The following HNRNPF variants were observed in gnomAD, a reference collection of about 807,000 sequenced individuals.
HNRNPF encodes HnRNP F protein.
In HNRNPF, 2 loss-of-function variants were observed where a neutral mutation model predicts 26.0. The observed-to-expected ratio is 0.08, with a 90% CI of 0.03 to 0.24. The LOEUF is 0.24. HNRNPF is among the 10% of genes least tolerant of loss of function. HNRNPF has a pLI of 1.00. For synonymous variants in HNRNPF, 234 were observed against 211.5 expected (o/e 1.11, Z -0.92); for missense variants, 299 against 539.2 (o/e 0.55, Z 4.41).
At position 43,387,056 on chromosome 10, in the gene HNRNPF, C is replaced by T. The variant is rs533557195; in HGVS notation, c.829G>A (p.Gly277Ser). The change falls in exon 4 of 4, where the codon GGC (glycine) becomes AGC (serine). Residue 277 changes from glycine to serine, a missense_variant. By Grantham distance (56) the Gly-to-Ser change is moderately conservative (BLOSUM62 0). Around this residue, in one of 6 missense-constraint regions of HNRNPF, gnomAD observed 74 missense variants for 77.7 expected, o/e 0.95. Transcript: ENST00000682386. This position sits in a 1 kb window ranked among gnomAD's most constrained non-coding sequence, Gnocchi z 6.0. ...CLSGMYDHRY[G>S]DSEFTVQSTT... ...CTCTGCACTGTGAACTCACTGTCGC[C>T]GTATCTGTGGTCATACATTCCGGAG... 3.5e-5 allele frequency: 56 copies of T among 1,612,802 alleles called. No individual in the cohort carries two copies. The highest frequency in any genetic ancestry group is 2.0e-4 in the East Asian group (9 of 44,862).
rs1242046401 is a variant in HNRNPF at position 43,387,292 on chromosome 10, G to A, written c.593C>T (p.Pro198Leu). 1.2e-6 allele frequency: 2 copies of A among 1,614,116 alleles called. No homozygotes were observed. The highest frequency in any genetic ancestry group is 1.1e-5 in the South Asian group (1 of 91,090). ...CCGCTGCACGGACATGAACTTCAGA[G>A]GGGGATCTGAGTATGACCTAACTTC... Reference protein sequence around the residue: ...QEEVRSYSDPPLKFMSVQRPG... With the variant: ...QEEVRSYSDPLLKFMSVQRPG... The change falls in exon 4 of 4, where the codon CCT becomes CTT. Residue 198 changes from proline to leucine, a missense_variant. Transcript: ENST00000682386. The surrounding 1 kb of genome is among the most constrained non-coding windows in gnomAD (Gnocchi z 6.0).
intron 1 of HNRNPF, chr10:43,396,844 TG>T (rs1183457645): frequency 1.4e-5 from 1 of 71,228 alleles, no homozygotes. Context: ...GCGGGGAGAG[TG>T]GGGGCAGGGA....
intron 1 of HNRNPF, among the ~76,000 whole-genome samples, chr10:43,404,885 A>AT (rs1322312423): frequency 6.6e-6 from 1 of 152,330 alleles, no homozygotes; most frequent in Non-Finnish European, 1.5e-5. Context: ...TTTACAGGAA[A>AT]TATAAAGAAC....
chr10:43,394,320 G>A lies in HNRNPF; in HGVS notation c.-53+310C>T, dbSNP rs559964629. ...TACATGTCATAAGTGTTTTGCATCA[G>A]GAAATGTTTCAGAAGCAAAATTACT... is the stretch of plus-strand genomic sequence containing the variant. On this transcript the variant is annotated intron_variant, in intron 3 of 3. Coordinates refer to ENST00000682386, the MANE Select transcript of HNRNPF (RefSeq NM_001098204.2). Among the ~76,000 whole-genome samples, 12 of 152,326 alleles carry A rather than the reference G, an allele frequency of 7.9e-5. No homozygotes were observed. In the East Asian group the frequency reaches 2.3e-3, roughly 29 times the overall value.
At position 43,387,506 on chromosome 10, in the gene HNRNPF, T is replaced by C; in HGVS notation, c.379A>G (p.Ile127Val). 6.2e-7 allele frequency: 1 copy of C among 1,614,190 alleles called. No individual in the cohort carries two copies. Among genetic ancestry groups the C allele is most frequent in the Non-Finnish European group, 8.5e-7 (1 of 1,180,032 alleles). ...GLPFGCTKEEIVQFFSGLEIV... is the reference protein window; with the variant it reads ...GLPFGCTKEEVVQFFSGLEIV... ...TCCAACCCTGAGAAGAACTGAACAA[T>C]TTCTTCCTTTGTGCATCCAAATGGG... Residue 127 changes from isoleucine to valine, a missense_variant, in exon 4 of 4, where the codon ATT (isoleucine) becomes GTT (valine). Around this residue, in one of 6 missense-constraint regions of HNRNPF, gnomAD observed 104 missense variants for 239.0 expected, o/e 0.44. Transcript: ENST00000682386. This position sits in a 1 kb window ranked among gnomAD's most constrained non-coding sequence, Gnocchi z 6.0.
chr10:43,393,536 C>A (rs906685058), intron 3 of HNRNPF, among the ~76,000 whole-genome samples: 9 of 151,618 alleles, frequency 5.9e-5, no homozygotes, highest in Non-Finnish European at 1.0e-4. Context: ...GCAGAGGTTG[C>A]GGTGAGCCAA....
chr10:43,386,494 T>G lies in HNRNPF; in HGVS notation c.*143A>C, dbSNP rs1433135732. 6.6e-6 allele frequency: 5 copies of G among 760,888 alleles called. No homozygotes were observed. In the East Asian group the frequency reaches 7.9e-5, roughly 12 times the overall value. The allele number at this position is 760,888 out of a possible 1,614,324, so 47.1% of individuals were successfully genotyped here. On this transcript the variant is annotated 3_prime_UTR_variant, in exon 4 of 4. Transcript: ENST00000682386. Reference sequence around the variant, plus strand: ...AAGAAAATTTTGCATGAGAAAACACTGAAGAGGTAATTTTTTAATCCAGAT... The same window carrying G: ...AAGAAAATTTTGCATGAGAAAACACGGAAGAGGTAATTTTTTAATCCAGAT...
Position 43,387,774 on chromosome 10 carries a change from A to G in HNRNPF, c.111T>C (p.His37=), listed in dbSNP as rs141967420. ...VQNFLSDCTI[H]DGAAGVHFIY... The stretch of plus-strand genomic sequence containing the variant: ...TGAAATGGACACCTGCGGCCCCATC[A>G]TGAATCGTGCAGTCAGAGAGGAAGT... Residue 37 remains histidine, a synonymous_variant, in exon 4 of 4, where the codon CAT becomes CAC. Transcript: ENST00000682386. The surrounding 1 kb of genome is among the most constrained non-coding windows in gnomAD (Gnocchi z 6.0). The G allele has an allele frequency of 2.1e-4, 343 of 1,613,940 alleles. No homozygotes were observed. The highest frequency in any genetic ancestry group is 1.6e-3 in the Admixed American group (93 of 59,982).
At chr10:43,388,488 G>A (rs1196978200) in intron 3 of HNRNPF, among the ~76,000 whole-genome samples, 1 of 152,182 alleles carries the variant, frequency 6.6e-6, no homozygotes, top group East Asian at 1.9e-4. Context: ...CACTGTCTAT[G>A]GAGTTATGAT....
In HNRNPF at chr10:43,387,193, A is replaced by T. The variant is rs1489535104; in HGVS notation, c.692T>A (p.Met231Lys). ...GIVKQAGLER[M>K]RPGAYSTGYG... ...GCCTGTGCTGTAGGCACCAGGCCTC[A>T]TCCTTTCCAGGCCTGCCTGCTTCAC... is the stretch of plus-strand genomic sequence containing the variant. Residue 231 changes from methionine to lysine, a missense_variant, in exon 4 of 4, where the codon ATG (methionine) becomes AAG (lysine). Met to Lys is a moderately conservative substitution (Grantham distance 95). Transcript: ENST00000682386. The surrounding 1 kb of genome is among the most constrained non-coding windows in gnomAD (Gnocchi z 6.0). 2.5e-6 allele frequency: 4 copies of T among 1,614,024 alleles called. No homozygotes were observed. The highest frequency in any genetic ancestry group is 3.4e-6 in the Non-Finnish European group (4 of 1,180,034).
chr10:43,391,432 C>T (rs373064331), intron 3 of HNRNPF, among the ~76,000 whole-genome samples: 2 of 151,394 alleles, frequency 1.3e-5, no homozygotes, highest in Admixed American at 6.6e-5. Flanking sequence ...TACTCCAGCC[C>T]GGGTGACGGA....
intron 1 of HNRNPF, among the ~76,000 whole-genome samples, chr10:43,401,844 A>G (rs1588998862): frequency 6.6e-6 from 1 of 152,134 alleles, no homozygotes; most frequent in Admixed American, 6.6e-5. Context: ...CCATGGAAAC[A>G]TGACACCTTA....
chr10:43,407,996 G>C (rs1386983748), intron 1 of HNRNPF, among the ~76,000 whole-genome samples: 1 of 152,206 alleles, frequency 6.6e-6, no homozygotes, highest in African/African-American at 2.4e-5. Flanking sequence ...CACAATCACT[G>C]TCACTGCAGC....
intron 1 of HNRNPF, among the ~76,000 whole-genome samples, chr10:43,406,348 T>TAAGC (rs1232384559): frequency 5.3e-5 from 8 of 152,154 alleles, no homozygotes; most frequent in Admixed American, 2.0e-4. Flanking sequence ...AAATTCCATT[T>TAAGC]TTTACCTGAA....
At chr10:43,393,876 C>G (rs903142049) in intron 3 of HNRNPF, among the ~76,000 whole-genome samples, 2 of 152,196 alleles carry the variant, frequency 1.3e-5, no homozygotes, top group Admixed American at 6.5e-5. Context: ...AGTTGACACT[C>G]ATGGTTAATT....
At chr10:43,393,782 A>G (rs1838350016) in intron 3 of HNRNPF, among the ~76,000 whole-genome samples, 1 of 151,788 alleles carries the variant, frequency 6.6e-6, no homozygotes, top group South Asian at 2.1e-4. Context: ...TGCCTGCAAC[A>G]CTCTTCTACC....
intron 3 of HNRNPF, among the ~76,000 whole-genome samples, chr10:43,390,341 A>G (rs559286961): frequency 1.5e-4 from 23 of 152,002 alleles, no homozygotes; most frequent in African/African-American, 5.1e-4. Context: ...CTTGCTCCTC[A>G]CTCATGAAAA....
chr10:43,386,505 T>C lies in HNRNPF; in HGVS notation c.*132A>G. On this transcript the variant is annotated 3_prime_UTR_variant, in exon 4 of 4. Coordinates refer to ENST00000682386, the MANE Select transcript of HNRNPF (RefSeq NM_001098204.2). ...GCATGAGAAAACACTGAAGAGGTAA[T>C]TTTTTAATCCAGATTTTTCACAAAC... The C allele has an allele frequency of 2.3e-6, 2 of 884,318 alleles. No homozygotes were observed. Among genetic ancestry groups the C allele is most frequent in the African/African-American group, 3.4e-5 (2 of 59,568 alleles). The allele number at this position is 884,318 out of a possible 1,614,324, so 54.8% of individuals were successfully genotyped here. A position where few individuals can be genotyped will look rare whatever the true frequency, so the allele number is the denominator to read the frequency against.
At chr10:43,402,853 TAGG>T (rs550151787) in intron 1 of HNRNPF, among the ~76,000 whole-genome samples, 84 of 151,974 alleles carry the variant, frequency 5.5e-4, no homozygotes, top group African/African-American at 1.9e-3. Context: ...ATAAATCTAA[TAGG>T]AGTCTTAATC....
Sources: allele counts gnomAD v4.1 joint callset (sites outside exome capture counted in the v4.1 genomes callset), GRCh38; gene constraint gnomAD v4.1.1; regional missense constraint gnomAD v4.1.1; non-coding constraint Gnocchi (gnomAD v3.1); transcripts MANE v1.5; gene names NCBI Gene and HGNC (gene_info 2026-07-23, HGNC 2026-07-21).